KIF13A: variants seen among roughly 807,000 people sequenced by gnomAD.
KIF13A encodes kinesin family member 13A, also known as kinesin-like protein KIF13A.
Under a neutral mutation model 212.2 loss-of-function variants are expected in KIF13A, and 79 were observed. That is an observed-to-expected ratio of 0.37 (90% confidence interval 0.31 to 0.45). The LOEUF is 0.45. Among genes scored for constraint, KIF13A ranks in the 20% least tolerant of loss-of-function variants. The pLI is 1.00. For missense variants in KIF13A, 1,901 were observed against 2,209.0 expected, an observed-to-expected ratio of 0.86 and a Z score of 2.79; for synonymous variants, 789 against 808.6, an observed-to-expected ratio of 0.98 and a Z score of 0.41.
In KIF13A at chr6:17,872,962, A is replaced by G. The variant is rs1309114573; in HGVS notation, c.220+415T>C. On this transcript the variant is annotated intron_variant, in intron 4 of 38. Coordinates refer to ENST00000259711, the MANE Select transcript of KIF13A (RefSeq NM_022113.6). The surrounding 1 kb of genome is among the most constrained non-coding windows in gnomAD (Gnocchi z 4.7). The stretch of plus-strand genomic sequence containing the variant: ...AAAAATAAATTTTTAAAAAGATGAA[A>G]TATCTAAGAAAAAGGGGGCATAATC... Among the ~76,000 whole-genome samples the G allele has an allele frequency of 6.6e-6, 1 of 152,162 alleles. No homozygotes were observed. Among genetic ancestry groups the G allele is most frequent in the African/African-American group, 2.4e-5 (1 of 41,442 alleles).
chr6:17,951,255 G>T lies in KIF13A; in HGVS notation c.146+35799C>A. The T allele has an allele frequency of 2.9e-6, 2 of 680,704 alleles. No homozygotes were observed. Among genetic ancestry groups the T allele is most frequent in the Non-Finnish European group, 4.5e-6 (2 of 444,820 alleles). 42.2% of individuals were successfully genotyped at this position (680,704 alleles called of 1,614,324 possible). A position where few individuals can be genotyped will look rare whatever the true frequency, so the allele number is the denominator to read the frequency against. The stretch of plus-strand genomic sequence containing the variant: ...GGAGCCTCCTGCCTCAGTCTCCTGA[G>T]TAGCTGGGACCACAGGTATGCGCCA... On this transcript the variant is annotated intron_variant, in intron 2 of 38. Transcript: ENST00000259711. The surrounding 1 kb of genome is among the most constrained non-coding windows in gnomAD (Gnocchi z 4.9).
rs534170390 is a variant in KIF13A at position 17,856,006 on chromosome 6, T to C, written c.313+24A>G. ...GATTATAGGCATGATCCCCCACATC[T>C]GGTCTATAAAAGCAACTTCTTACCT... On this transcript the variant is annotated intron_variant, in intron 5 of 38. Transcript: ENST00000259711. This position sits in a 1 kb window ranked among gnomAD's most constrained non-coding sequence, Gnocchi z 4.5. The C allele has an allele frequency of 1.3e-6, 2 of 1,488,470 alleles. No individual in the cohort carries two copies. The highest frequency in any genetic ancestry group is 1.4e-5 in the African/African-American group (1 of 72,538). The allele number at this position is 1,488,470 out of a possible 1,614,324, so 92.2% of individuals were successfully genotyped here. A position where few individuals can be genotyped will look rare whatever the true frequency, so the allele number is the denominator to read the frequency against.
Position 17,828,129 on chromosome 6 carries a change from C to T in KIF13A, c.1532+111G>A. 9.7e-7 allele frequency: 1 copy of T among 1,027,452 alleles called. No individual in the cohort carries two copies. The highest frequency in any genetic ancestry group is 2.7e-5 in the East Asian group (1 of 37,136). The allele number at this position is 1,027,452 out of a possible 1,614,324, so 63.6% of individuals were successfully genotyped here. ...CAGAAAGCAAGGGCCCCCTGAGGACCCCCATGTATCCTTAACTTTAATATA... is the reference window on the plus strand; with the variant it reads ...CAGAAAGCAAGGGCCCCCTGAGGACTCCCATGTATCCTTAACTTTAATATA... On this transcript the variant is annotated intron_variant, in intron 14 of 38. Coordinates refer to ENST00000259711, the MANE Select transcript of KIF13A (RefSeq NM_022113.6). This position sits in a 1 kb window ranked among gnomAD's most constrained non-coding sequence, Gnocchi z 4.3.
rs1160259881 is a variant in KIF13A at position 17,984,601 on chromosome 6, C to G, written c.146+2453G>C. 1 of 889,828 alleles carries G rather than the reference C, an allele frequency of 1.1e-6. No individual in the cohort carries two copies. Among genetic ancestry groups the G allele is most frequent in the Non-Finnish European group, 1.3e-6 (1 of 744,440 alleles). 55.1% of individuals were successfully genotyped at this position (889,828 alleles called of 1,614,324 possible). ...ACCCCATCTGTTTTTTTTTTTTTTC[C>G]CTGGACGTCAATGCATTCTCACTTG... On this transcript the variant is annotated intron_variant, in intron 2 of 38. Coordinates refer to ENST00000259711, the MANE Select transcript of KIF13A (RefSeq NM_022113.6). This position sits in a 1 kb window ranked among gnomAD's most constrained non-coding sequence, Gnocchi z 5.0.
Position 17,855,559 on chromosome 6 carries a change from C to T in KIF13A, c.372G>A (p.Arg124=). 6.2e-7 allele frequency: 1 copy of T among 1,613,644 alleles called. No homozygotes were observed. The highest frequency in any genetic ancestry group is 8.5e-7 in the Non-Finnish European group (1 of 1,179,788). ...TCCTTTTAAATAAAGCACAGCAGAG[C>T]CTTGGAATAAGGCCCAGCTGCTCAG... ...GHAEQLGLIP[R]LCCALFKRIS... is the part of the protein sequence containing the mutation. Residue 124 remains arginine (R), a synonymous_variant, in exon 6 of 39, where the codon AGG becomes AGA. Transcript: ENST00000259711. The surrounding 1 kb of genome is among the most constrained non-coding windows in gnomAD (Gnocchi z 4.1).
Position 17,783,826 on chromosome 6 carries a change from A to G in KIF13A, c.3489-125T>C, listed in dbSNP as rs1760814932. The stretch of plus-strand genomic sequence containing the variant: ...TGGAGATGCAGTTTCCACTAATGAA[A>G]TACTTTCATATTTCTTGACTTCCCT... On this transcript the variant is annotated intron_variant, in intron 28 of 38. Transcript: ENST00000259711. The surrounding 1 kb of genome is among the most constrained non-coding windows in gnomAD (Gnocchi z 4.3). The G allele has an allele frequency of 1.5e-6, 1 of 678,944 alleles. No homozygotes were observed. Among genetic ancestry groups the G allele is most frequent in the Admixed American group, 2.3e-5 (1 of 42,576 alleles). 42.1% of individuals were successfully genotyped at this position (678,944 alleles called of 1,614,324 possible). A position where few individuals can be genotyped will look rare whatever the true frequency, so the allele number is the denominator to read the frequency against.
chr6:17,844,044 C>CA (rs35763673), intron 9 of KIF13A, among the ~76,000 whole-genome samples: 8,124 of 114,780 alleles, frequency 0.071, 518 homozygotes, highest in African/African-American at 0.19. Flanking sequence ...GACTCCATCT[C>CA]AAAAAAAAAA....
At chr6:17,851,923 C>T in intron 7 of KIF13A, 32 bp downstream of exon 7, 1 of 1,182,876 alleles carries the variant, frequency 8.5e-7, no homozygotes, top group South Asian at 1.7e-5. Context: ...TTATAGTCAG[C>T]TTTTAATCAC....
rs1329668277 is a variant in KIF13A, at chr6:17,987,411, C to T, written c.53G>A (p.Arg18Gln). The T allele has an allele frequency of 1.5e-6, 2 of 1,372,146 alleles. No homozygotes were observed. The highest frequency in any genetic ancestry group is 2.1e-5 in the Admixed American group (1 of 46,910). The allele number at this position is 1,372,146 out of a possible 1,614,324, so 85.0% of individuals were successfully genotyped here. A position where few individuals can be genotyped will look rare whatever the true frequency, so the allele number is the denominator to read the frequency against. The change falls in exon 1 of 39, where the codon CGA becomes CAA. Residue 18 changes from arginine (R) to glutamine (Q), a missense_variant and splice_region_variant. By Grantham distance (43) the Arg-to-Gln change is conservative. Around this residue, in one of 5 missense-constraint regions of KIF13A, gnomAD observed 506 missense variants for 637.4 expected, o/e 0.79. Transcript: ENST00000259711. The surrounding 1 kb of genome is among the most constrained non-coding windows in gnomAD (Gnocchi z 7.7). ...VAVRVRPMNR[R>Q]ELELNTKCVV... ...AAAAAGAGCGGAAAGCTCCTCACCT[C>T]GTCGGTTCATGGGCCGGACCCGGAC...
intron 2 of KIF13A, among the ~76,000 whole-genome samples, chr6:17,981,745 T>C (rs1356812039): frequency 1.3e-5 from 2 of 152,138 alleles, no homozygotes; most frequent in African/African-American, 2.4e-5. Context: ...CTTTGCTTTC[T>C]TACAATTAAC....
chr6:17,910,767 G>A (rs1395728878), intron 2 of KIF13A, among the ~76,000 whole-genome samples: 3 of 151,982 alleles, frequency 2.0e-5, no homozygotes, highest in Admixed American at 1.3e-4. Context: ...TTTGGTTGTC[G>A]TTGTTGTTGT....
intron 2 of KIF13A, among the ~76,000 whole-genome samples, chr6:17,960,259 T>C (rs1778701340): frequency 6.6e-6 from 1 of 152,064 alleles, no homozygotes; most frequent in South Asian, 2.1e-4. Context: ...AAGTAAACAT[T>C]CTTTGAGAGT....
chr6:17,911,924 C>G (rs1277449180), intron 2 of KIF13A, among the ~76,000 whole-genome samples: 1 of 151,956 alleles, frequency 6.6e-6, no homozygotes, highest in Non-Finnish European at 1.5e-5. Flanking sequence ...ACCACCATGC[C>G]CAGCTAATTT....
intron 11 of KIF13A, among the ~76,000 whole-genome samples, chr6:17,836,578 A>G (rs1765972545): frequency 6.6e-6 from 1 of 152,200 alleles, no homozygotes; most frequent in African/African-American, 2.4e-5. Context: ...TGCTATAAAG[A>G]AATACCTGAG....
rs1163787227 is a variant in KIF13A at position 17,816,203 on chromosome 6, C to CCACCGCACCTGGCCTGAGT, written c.2000+798_2000+816dup. Among the ~76,000 whole-genome samples the CCACCGCACCTGGCCTGAGT allele has an allele frequency of 6.6e-6, 1 of 151,542 alleles. No homozygotes were observed. Among genetic ancestry groups the CCACCGCACCTGGCCTGAGT allele is most frequent in the East Asian group, 2.0e-4 (1 of 5,114 alleles). Reference sequence around the variant, plus strand: ...AAAGTGCTGGGATTACAGGCCTGAGCCACCGCACCTGGCCTGAGTCAGGTC... The same window carrying CCACCGCACCTGGCCTGAGT: ...AAAGTGCTGGGATTACAGGCCTGAGCCACCGCACCTGGCCTGAGTCACCGCACCTGGCCTGAGTCAGGTC... On this transcript the variant is annotated intron_variant, in intron 17 of 38. Transcript: ENST00000259711. This position sits in a 1 kb window ranked among gnomAD's most constrained non-coding sequence, Gnocchi z 4.3.
chr6:17,958,885 T>C (rs933455756), intron 2 of KIF13A, among the ~76,000 whole-genome samples: 2 of 119,904 alleles, frequency 1.7e-5, no homozygotes, highest in South Asian at 2.7e-4. Context: ...TCTTTTTTTT[T>C]TTTTTTTTTT....
chr6:17,794,748 G>A lies in KIF13A; in HGVS notation c.2943-44C>T, dbSNP rs1046004424. On this transcript the variant is annotated intron_variant, in intron 23 of 38. Coordinates refer to ENST00000259711, the MANE Select transcript of KIF13A (RefSeq NM_022113.6). This position sits in a 1 kb window ranked among gnomAD's most constrained non-coding sequence, Gnocchi z 4.1. ...ACAAGCAAGAGCGTCATCGTCCAGG[G>A]ATACTGTTAGTAATAGTAATAAGCC... The A allele has an allele frequency of 6.3e-7, 1 of 1,581,208 alleles. No homozygotes were observed. The highest frequency in any genetic ancestry group is 1.4e-5 in the African/African-American group (1 of 74,040).
At chr6:17,821,588 T>TGTGTGTGTGTGTGTGTGTGTGTGTGG (rs11270201) in intron 16 of KIF13A, among the ~76,000 whole-genome samples, 2 of 146,300 alleles carry the variant, frequency 1.4e-5, no homozygotes, top group South Asian at 2.2e-4. Flanking sequence ...TGTGTGTGTG[T>TGTGTGTGTGTGTGTGTGTGTGTGTGG]TGGGGGTGGG....
intron 2 of KIF13A, among the ~76,000 whole-genome samples, chr6:17,907,584 C>T (rs1401549654): frequency 6.7e-6 from 1 of 148,944 alleles, no homozygotes; most frequent in Non-Finnish European, 1.5e-5. Context: ...GGTATGACAA[C>T]GTGGAGTTAG....
Sources: gnomAD v4.1 joint callset for allele counts (sites outside exome capture counted in the v4.1 genomes callset) on GRCh38, gnomAD v4.1.1 for gene constraint, gnomAD v4.1.1 regional missense constraint, Gnocchi (gnomAD v3.1) non-coding constraint, MANE v1.5 for transcripts, NCBI Gene and HGNC (gene_info 2026-07-23, HGNC 2026-07-21) for gene names.